Variants in UGT1A10 observed in about 807,000 individuals in gnomAD.
The protein encoded by UGT1A10 is UDP-glucuronosyltransferase 1A10.
Under a neutral mutation model 45.8 loss-of-function variants are expected in UGT1A10, and 49 were observed. The observed-to-expected ratio is 1.07, with a 90% CI of 0.85 to 1.36. The LOEUF is 1.36. Ranked by LOEUF, UGT1A10 falls within the 40% of genes most tolerant of loss-of-function variation. The pLI is 0.00. For synonymous variants in UGT1A10, 284 were observed against 249.7 expected (o/e 1.14, Z -1.29); for missense variants, 745 against 668.6 (o/e 1.11, Z -1.26).
chr2:233,760,333 C>T (rs1559406714), intron 1 of UGT1A10: 2 of 1,614,052 alleles, frequency 1.2e-6, no homozygotes, highest in East Asian at 4.5e-5. Flanking sequence ...CCTGGGCCTG[C>T]TGCTGTGTGT....
At chr2:233,713,929 A>C in intron 1 of UGT1A10, 1 of 1,611,962 alleles carries the variant, frequency 6.2e-7, no homozygotes, top group African/African-American at 1.3e-5. Flanking sequence ...TTTACTTACA[A>C]GTGCTTCCAT....
intron 1 of UGT1A10, among the ~76,000 whole-genome samples, chr2:233,640,201 T>C (rs2073414619): frequency 1.3e-5 from 2 of 152,222 alleles, no homozygotes; most frequent in African/African-American, 4.8e-5. Flanking sequence ...TTTTCAAAGT[T>C]TTCAAACATA....
rs2073317912 is a variant in UGT1A10, at chr2:233,637,165, G to C, written c.643G>C (p.Glu215Gln). The C allele has an allele frequency of 6.2e-7, 1 of 1,613,812 alleles. No homozygotes were observed. Among genetic ancestry groups the C allele is most frequent in the African/African-American group, 1.3e-5 (1 of 74,898 alleles). The change falls in exon 1 of 5, where the codon GAG (glutamate) becomes CAG (glutamine). Residue 215 changes from glutamate (E) to glutamine (Q), a missense_variant. By Grantham distance (29) the Glu-to-Gln change is conservative (BLOSUM62 2). Coordinates refer to ENST00000344644, the MANE Select transcript of UGT1A10 (RefSeq NM_019075.4). ...AGTATGGAACCACATCGTGCACTTGGAGGACCATTTATTTTGCCAGTATCT... is the reference window on the plus strand; with the variant it reads ...AGTATGGAACCACATCGTGCACTTGCAGGACCATTTATTTTGCCAGTATCT... ...ERVWNHIVHLEDHLFCQYLFR... is the reference protein window; with the variant it reads ...ERVWNHIVHLQDHLFCQYLFR...
intron 1 of UGT1A10, among the ~76,000 whole-genome samples, chr2:233,670,608 A>T (rs1287621789): frequency 2.0e-5 from 3 of 152,156 alleles, no homozygotes; most frequent in Non-Finnish European, 4.4e-5. Flanking sequence ...ACTCATCTCC[A>T]TCAAGTCATC....
At chr2:233,691,718 G>T in intron 1 of UGT1A10, 1 of 898,996 alleles carries the variant, frequency 1.1e-6, no homozygotes, top group South Asian at 5.1e-5. Context: ...CTGGCAGATG[G>T]GTGGCTGGGC....
intron 1 of UGT1A10, chr2:233,747,878 C>A: frequency 6.2e-7 from 1 of 1,613,056 alleles, no homozygotes; most frequent in South Asian, 1.1e-5. Context: ...CCCTGTCCTA[C>A]CTTTGCCATG....
chr2:233,768,499 A>G (rs528932470), intron 4 of UGT1A10, 60 bp downstream of exon 4: 7 of 1,570,454 alleles, frequency 4.5e-6, no homozygotes, highest in Non-Finnish European at 6.1e-6. Flanking sequence ...AATTGTTTCA[A>G]ATATGAAAAC....
chr2:233,692,984 G>A (rs2075124795), intron 1 of UGT1A10: 7 of 1,613,412 alleles, frequency 4.3e-6, no homozygotes, highest in Non-Finnish European at 5.9e-6. Context: ...TATTACCGTT[G>A]TTACTTTAAC....
rs2075034938 is a variant in UGT1A10 at position 233,691,264 on chromosome 2, C to T, written c.855+53887C>T. 1.3e-5 allele frequency: 13 copies of T among 985,552 alleles called. No homozygotes were observed. The South Asian group carries it at 5.6e-4, about 43-fold the overall frequency. 61.1% of individuals were successfully genotyped at this position (985,552 alleles called of 1,614,324 possible). Reference sequence around the variant, plus strand: ...TAGATGAACTCAAAGCAAGATGCTGCCGCCCCCATGACTTTGATCATTGTA... The same window carrying T: ...TAGATGAACTCAAAGCAAGATGCTGTCGCCCCCATGACTTTGATCATTGTA... On this transcript the variant is annotated intron_variant, in intron 1 of 4. Coordinates refer to ENST00000344644, the MANE Select transcript of UGT1A10 (RefSeq NM_019075.4).
chr2:233,636,723 A>G lies in UGT1A10; in HGVS notation c.201A>G (p.Glu67=). Residue 67 remains glutamate, a synonymous_variant, in exon 1 of 5, where the codon GAA becomes GAG. Coordinates refer to ENST00000344644, the MANE Select transcript of UGT1A10 (RefSeq NM_019075.4). ...VVMPEVSWQL[E]RSLNCTVKTY... Reference sequence around the variant, plus strand: ...TGCCAGAGGTGAGTTGGCAACTGGAAAGATCACTGAATTGCACAGTGAAGA... The same window carrying G: ...TGCCAGAGGTGAGTTGGCAACTGGAGAGATCACTGAATTGCACAGTGAAGA... The G allele has an allele frequency of 1.2e-6, 2 of 1,614,190 alleles. No individual in the cohort carries two copies. Among genetic ancestry groups the G allele is most frequent in the Non-Finnish European group, 1.7e-6 (2 of 1,180,028 alleles).
chr2:233,637,488 T>C (rs1575391701), intron 1 of UGT1A10, 111 bp downstream of exon 1: 1 of 1,496,252 alleles, frequency 6.7e-7, no homozygotes, highest in East Asian at 2.3e-5. Flanking sequence ...TTCAAATTTC[T>C]TTCCAGTTTA....
intron 1 of UGT1A10, chr2:233,648,947 T>C: frequency 1.4e-6 from 2 of 1,437,296 alleles, no homozygotes; most frequent in East Asian, 2.4e-5. Context: ...GACTTTGTTT[T>C]GGAGTATCCC....
intron 1 of UGT1A10, among the ~76,000 whole-genome samples, chr2:233,707,026 C>T (rs1300586789): frequency 1.3e-5 from 2 of 152,110 alleles, no homozygotes; most frequent in African/African-American, 4.8e-5. Context: ...GGTCAGCCAG[C>T]CCCCAAGGTA....
chr2:233,720,322 A>C (rs1355455978), intron 1 of UGT1A10, among the ~76,000 whole-genome samples: 3 of 152,124 alleles, frequency 2.0e-5, no homozygotes, highest in African/African-American at 7.2e-5. Context: ...ATGTGGGGAC[A>C]TCGTAGAGTT....
chr2:233,768,108 G>C, intron 3 of UGT1A10, 112 bp from the exon 4 acceptor site: 1 of 1,594,934 alleles, frequency 6.3e-7, no homozygotes, highest in South Asian at 1.1e-5. Flanking sequence ...GCAAATTTCT[G>C]CAAGGGCATG....
intron 1 of UGT1A10, chr2:233,760,629 G>C: frequency 1.2e-6 from 2 of 1,614,104 alleles, no homozygotes; most frequent in Non-Finnish European, 1.7e-6. Context: ...AAACATACAA[G>C]AAAATAAAAA....
rs1041496963 is a variant in UGT1A10, at chr2:233,755,204, C to T, written c.856-11830C>T. On this transcript the variant is annotated intron_variant, in intron 1 of 4. Coordinates refer to ENST00000344644, the MANE Select transcript of UGT1A10 (RefSeq NM_019075.4). ...GCCACTTGAGCGCCAGCTTGCGGTA[C>T]GCCTTCTTGATACCCTCGGACGAGG... The T allele has an allele frequency of 2.6e-4, 287 of 1,089,324 alleles. 1 individual carries two copies. Among genetic ancestry groups the T allele is most frequent in the Non-Finnish European group, 3.4e-4 (263 of 769,354 alleles). 67.5% of individuals were successfully genotyped at this position (1,089,324 alleles called of 1,614,324 possible).
chr2:233,666,242 C>T (rs2074073752), intron 1 of UGT1A10, among the ~76,000 whole-genome samples: 1 of 152,130 alleles, frequency 6.6e-6, no homozygotes, highest in African/African-American at 2.4e-5. Context: ...TGGGAGGGGG[C>T]ACTAGGTCAT....
rs781623948 is a variant in UGT1A10, at chr2:233,772,355, G to A, written c.1389G>A (p.Met463Ile). ...CCGTGTTCTGGGTGGAGTTTGTGAT[G>A]AGGCACAAGGGCGCGCCACACCTGC... Reference protein sequence around the residue: ...DLAVFWVEFVMRHKGAPHLRP... With the variant: ...DLAVFWVEFVIRHKGAPHLRP... The change falls in exon 5 of 5, where the codon ATG (methionine) becomes ATA (isoleucine). Residue 463 changes from methionine to isoleucine, a missense_variant. Met to Ile is a conservative substitution (Grantham distance 10, BLOSUM62 1). Coordinates refer to ENST00000344644, the MANE Select transcript of UGT1A10 (RefSeq NM_019075.4). 1 of 1,614,130 alleles carries A rather than the reference G, an allele frequency of 6.2e-7. No homozygotes were observed. Among genetic ancestry groups the A allele is most frequent in the Non-Finnish European group, 8.5e-7 (1 of 1,180,056 alleles).
Sources: gnomAD v4.1 joint callset for allele counts (sites outside exome capture counted in the v4.1 genomes callset) on GRCh38, gnomAD v4.1.1 for gene constraint, MANE v1.5 for transcripts, NCBI Gene and HGNC (gene_info 2026-07-23, HGNC 2026-07-21) for gene names.